TEX9: variants seen among roughly 807,000 people sequenced by gnomAD.
TEX9 encodes testis-expressed protein 9.
In TEX9, 74 loss-of-function variants were observed where a neutral mutation model predicts 59.6. The observed-to-expected ratio is 1.24, with a 90% CI of 1.03 to 1.51. The LOEUF is 1.51. TEX9 is among the 40% of genes most tolerant of loss of function. TEX9 has a pLI of 0.00. For missense variants in TEX9, 522 were observed against 447.8 expected, an observed-to-expected ratio of 1.17 and a Z score of -1.49; for synonymous variants, 186 against 152.2, an observed-to-expected ratio of 1.22 and a Z score of -1.64.
chr15:56,432,206 C>A (rs1793237835), intron 12 of TEX9, among the ~76,000 whole-genome samples: 1 of 152,138 alleles, frequency 6.6e-6, no homozygotes, highest in Non-Finnish European at 1.5e-5. Context: ...TGGGCTAATG[C>A]AGATTTTCCT....
chr15:56,444,904 C>T (rs746068389), intron 12 of TEX9, among the ~76,000 whole-genome samples: 3 of 151,956 alleles, frequency 2.0e-5, no homozygotes, highest in Non-Finnish European at 4.4e-5. Flanking sequence ...AGGACAATAC[C>T]TGATAAGGAT....
chr15:56,326,948 T>C (rs1165862005), intron 1 of TEX9, among the ~76,000 whole-genome samples: 4 of 152,188 alleles, frequency 2.6e-5, no homozygotes, highest in African/African-American at 4.8e-5. Flanking sequence ...TGTATGCTGC[T>C]TGGGTAATGG....
chr15:56,422,473 T>A (rs1437987729), intron 10 of TEX9, among the ~76,000 whole-genome samples: 2 of 151,756 alleles, frequency 1.3e-5, no homozygotes, highest in Admixed American at 6.6e-5. Context: ...TATCTGTACT[T>A]CTTTGTATGC....
intron 10 of TEX9, among the ~76,000 whole-genome samples, chr15:56,419,683 GTAGTCTTGATT>G (rs2049873972): frequency 6.6e-6 from 1 of 151,802 alleles, no homozygotes. Flanking sequence ...TGTTTAGTCT[GTAGTCTTGATT>G]TAGTTTTCTT....
chr15:56,260,468 T>A (rs2044239739), intron 1 of TEX9, among the ~76,000 whole-genome samples: 1 of 152,132 alleles, frequency 6.6e-6, no homozygotes, highest in South Asian at 2.1e-4. Flanking sequence ...TTGCATCTAT[T>A]GAGGTGATCA....
intron 1 of TEX9, among the ~76,000 whole-genome samples, chr15:56,344,212 C>T (rs1306567260): frequency 6.6e-6 from 1 of 152,106 alleles, no homozygotes; most frequent in African/African-American, 2.4e-5. Context: ...CTAAAGCTTG[C>T]ACATGAATGT....
intron 12 of TEX9, chr15:56,429,510 A>C: frequency 5.3e-6 from 1 of 188,874 alleles, no homozygotes; most frequent in Non-Finnish European, 1.1e-5. Flanking sequence ...ACTGTACCCT[A>C]CCCTTTTCTT....
At chr15:56,264,904 A>G (rs911559120) in intron 1 of TEX9, among the ~76,000 whole-genome samples, 15 of 152,200 alleles carry the variant, frequency 9.9e-5, no homozygotes, top group African/African-American at 3.1e-4. Flanking sequence ...GTTAAAAATC[A>G]GCTGGTTATA....
intron 1 of TEX9, among the ~76,000 whole-genome samples, chr15:56,268,031 G>T (rs1423012928): frequency 1.3e-5 from 2 of 152,058 alleles, no homozygotes; most frequent in Non-Finnish European, 2.9e-5. Context: ...CCTTGAAGAG[G>T]TCCTTCACAT....
intron 1 of TEX9, among the ~76,000 whole-genome samples, chr15:56,251,908 G>A (rs2044030230): frequency 6.6e-6 from 1 of 152,124 alleles, no homozygotes; most frequent in South Asian, 2.1e-4. Context: ...GGAGTGAAAA[G>A]TTTGTTTAGG....
At chr15:56,336,756 C>G (rs921070739) in intron 1 of TEX9, among the ~76,000 whole-genome samples, 10 of 152,126 alleles carry the variant, frequency 6.6e-5, no homozygotes, top group Non-Finnish European at 1.5e-4. Flanking sequence ...GCTGGTATGG[C>G]CCTTCAGAAT....
At chr15:56,319,907 T>C (rs1238184200) in intron 1 of TEX9, among the ~76,000 whole-genome samples, 1 of 152,168 alleles carries the variant, frequency 6.6e-6, no homozygotes, top group Non-Finnish European at 1.5e-5. Context: ...GAATGTGAGG[T>C]AGGTGGTCCA....
In TEX9 at chr15:56,331,709, A is replaced by G. The variant is rs1040848863; in HGVS notation, c.-106-41732A>G. ...CACCTACATAAAAAAAAATTTTTAA[A>G]TAAACACCCCAGTAATGCATGTTAA... On this transcript the variant is annotated intron_variant, in intron 1 of 5. Coordinates refer to the TEX9 transcript ENST00000560827. Among the ~76,000 whole-genome samples the G allele has an allele frequency of 2.0e-5, 3 of 152,182 alleles. No homozygotes were observed. In the South Asian group the frequency reaches 6.2e-4, roughly 31 times the overall value.
chr15:56,312,218 C>G (rs1223236508), intron 1 of TEX9, among the ~76,000 whole-genome samples: 1 of 145,246 alleles, frequency 6.9e-6, no homozygotes, highest in Admixed American at 7.0e-5. Context: ...AAGTCCTTGC[C>G]CATGCCTATG....
At chr15:56,289,248 C>T (rs1306878896) in intron 1 of TEX9, among the ~76,000 whole-genome samples, 1 of 152,102 alleles carries the variant, frequency 6.6e-6, no homozygotes, top group African/African-American at 2.4e-5. Context: ...GAGTCAGCTA[C>T]TGGGAGATTG....
At chr15:56,428,426 T>C (rs1480338664) in exon 12 of TEX9, 2 of 1,611,634 alleles carry the variant, frequency 1.2e-6, no homozygotes, top group East Asian at 4.5e-5. Flanking sequence ...TGAAAGCACT[T>C]GAATGGGGAA....
At chr15:56,399,211 G>A (rs1465902675) in intron 9 of TEX9, among the ~76,000 whole-genome samples, 1 of 152,178 alleles carries the variant, frequency 6.6e-6, no homozygotes, top group African/African-American at 2.4e-5. Flanking sequence ...CTAGCCAAGG[G>A]AAGCCATGAC....
Position 56,346,541 on chromosome 15 carries a change from C to T in TEX9, c.-106-26900C>T, listed in dbSNP as rs191893319. On this transcript the variant is annotated intron_variant, in intron 1 of 5. Transcript: ENST00000560827. Reference sequence around the variant, plus strand: ...CCATTTGCTACTCTGATATCCTGTCCAAAGTCTTGAGTCTTCTAACCCATT... The same window carrying T: ...CCATTTGCTACTCTGATATCCTGTCTAAAGTCTTGAGTCTTCTAACCCATT... Among the ~76,000 whole-genome samples, 213 of 152,270 alleles carry T rather than the reference C, an allele frequency of 1.4e-3. 1 individual carries two copies. Among genetic ancestry groups the T allele is most frequent in the African/African-American group, 4.8e-3 (198 of 41,560 alleles).
chr15:56,455,025 T>G, the TEX9 span, among the ~76,000 whole-genome samples: 7 of 152,144 alleles, frequency 4.6e-5, no homozygotes, highest in Admixed American at 4.6e-4. Context: ...AGCCATTGTT[T>G]GGAATCAGCA....
Sources: gnomAD v4.1 joint callset for allele counts (sites outside exome capture counted in the v4.1 genomes callset) on GRCh38, gnomAD v4.1.1 for gene constraint, MANE v1.5 for transcripts, NCBI Gene and HGNC (gene_info 2026-07-23, HGNC 2026-07-21) for gene names.